Variants in ABLIM3 observed in about 807,000 individuals in gnomAD.
The protein encoded by ABLIM3 is actin-binding LIM protein 3.
In ABLIM3, 61 loss-of-function variants were observed where a neutral mutation model predicts 109.5. That is an observed-to-expected ratio of 0.56 (90% CI 0.45 to 0.69). The LOEUF (loss-of-function observed/expected upper bound fraction) is 0.69. Among genes scored for constraint, ABLIM3 ranks in the 30% least tolerant of loss-of-function variants. ABLIM3 has a pLI of 0.00. For missense variants in ABLIM3, 796 were observed against 889.5 expected (o/e 0.89, Z 1.34); for synonymous variants, 300 against 324.8 (o/e 0.92, Z 0.82).
At chr5:149,240,008 TG>T in intron 13 of ABLIM3, 120 bp downstream of exon 13, 4 of 1,375,830 alleles carry the variant, frequency 2.9e-6, no homozygotes, top group Non-Finnish European at 3.8e-6. Flanking sequence ...TGTGGCCCTC[TG>T]GAGGCCTATG....
At chr5:149,246,620 CA>C in intron 17 of ABLIM3, 74 bp downstream of exon 17, 8 of 1,479,942 alleles carry the variant, frequency 5.4e-6, no homozygotes, top group East Asian at 2.4e-5. Flanking sequence ...TTACAAGCAA[CA>C]AAAAACAGAT....
intron 2 of ABLIM3, among the ~76,000 whole-genome samples, chr5:149,174,202 G>A (rs1051927954): frequency 6.6e-6 from 1 of 151,584 alleles, no homozygotes; most frequent in African/African-American, 2.4e-5. Context: ...TTCCATGCGT[G>A]GTTTGCAACA....
intron 8 of ABLIM3, among the ~76,000 whole-genome samples, chr5:149,227,900 A>T (rs1228988145): frequency 6.6e-6 from 1 of 152,268 alleles, no homozygotes; most frequent in Non-Finnish European, 1.5e-5. Flanking sequence ...GTTCCTGCAG[A>T]TATATCTGTA....
chr5:149,199,601 G>T lies in ABLIM3; in HGVS notation c.336-715G>T, dbSNP rs76828127. ...GCCACGATAAGAACATAGCTCCCCCGACTCTCACCCTGGTGCTCCCTCCAT... is the reference window on the plus strand; with the variant it reads ...GCCACGATAAGAACATAGCTCCCCCTACTCTCACCCTGGTGCTCCCTCCAT... On this transcript the variant is annotated intron_variant, in intron 4 of 23. Transcript: ENST00000309868. 1.4e-4 allele frequency among the ~76,000 whole-genome samples: 21 copies of T among 152,288 alleles called. No individual in the cohort carries two copies. The East Asian group carries it at 4.1e-3, about 29-fold the overall frequency.
chr5:149,231,376 T>C (rs1761842361), intron 9 of ABLIM3, among the ~76,000 whole-genome samples: 2 of 152,204 alleles, frequency 1.3e-5, no homozygotes, highest in South Asian at 4.1e-4. Flanking sequence ...AGGATCCGGC[T>C]TCTGGGTCTT....
At chr5:149,241,286 T>C (rs1752816086) in intron 14 of ABLIM3, among the ~76,000 whole-genome samples, 2 of 152,206 alleles carry the variant, frequency 1.3e-5, no homozygotes, top group African/African-American at 4.8e-5. Context: ...GGTATTTACG[T>C]ACTAATGTAG....
intron 2 of ABLIM3, among the ~76,000 whole-genome samples, chr5:149,165,119 C>G (rs920457303): frequency 7.2e-5 from 11 of 152,182 alleles, no homozygotes; most frequent in Non-Finnish European, 1.0e-4. Flanking sequence ...TCAAAGCATC[C>G]TTGAATCTCA....
Position 149,227,129 on chromosome 5 carries a change from G to A in ABLIM3, c.758-3520G>A, listed in dbSNP as rs540381393. ...TTTAACATCAGGGTGTAGCAGAGAG[G>A]TGGGTGGCTTCCCCAACATTAAATC... On this transcript the variant is annotated intron_variant, in intron 8 of 23. Coordinates refer to ENST00000309868, the MANE Select transcript of ABLIM3 (RefSeq NM_014945.5). Among the ~76,000 whole-genome samples, 327 of 151,576 alleles carry A rather than the reference G, an allele frequency of 2.2e-3. 2 individuals are homozygous for A. Among genetic ancestry groups the A allele is most frequent in the Non-Finnish European group, 2.8e-3 (191 of 67,924 alleles).
intron 2 of ABLIM3, among the ~76,000 whole-genome samples, chr5:149,163,452 C>T (rs2127450097): frequency 6.6e-6 from 1 of 152,228 alleles, no homozygotes; most frequent in South Asian, 2.1e-4. Context: ...GTGGCTTAAA[C>T]AATAGGAATT....
At chr5:149,249,947 TC>T in intron 19 of ABLIM3, 103 bp downstream of exon 19, 1 of 1,382,452 alleles carries the variant, frequency 7.2e-7, no homozygotes, top group Non-Finnish European at 1.0e-6. Context: ...AATGTGGATG[TC>T]CCAGCCCACT....
chr5:149,171,607 T>A (rs1422979215), intron 2 of ABLIM3, among the ~76,000 whole-genome samples: 4 of 152,168 alleles, frequency 2.6e-5, no homozygotes, highest in Admixed American at 6.5e-5. Flanking sequence ...TGGTAAAACA[T>A]GGAAATTGGC....
At position 149,251,386 on chromosome 5, in the gene ABLIM3, G is replaced by A. The variant is rs770290671; in HGVS notation, c.1816G>A (p.Asp606Asn). 10 of 1,614,060 alleles carry A rather than the reference G, an allele frequency of 6.2e-6. No individual in the cohort carries two copies. The highest frequency in any genetic ancestry group is 2.2e-5 in the East Asian group (1 of 44,864). ...RTPSADLFHYDSMNAVNWGMR... is the reference protein window; with the variant it reads ...RTPSADLFHYNSMNAVNWGMR... ...ACCCAGCGCAGACCTCTTCCACTACGACAGCATGAACGCAGTCAACTGGGG... is the reference window on the plus strand; with the variant it reads ...ACCCAGCGCAGACCTCTTCCACTACAACAGCATGAACGCAGTCAACTGGGG... Residue 606 changes from aspartate to asparagine, a missense_variant, in exon 21 of 24, where the codon GAC becomes AAC. Asp to Asn is a conservative substitution (Grantham distance 23). Transcript: ENST00000309868.
intron 7 of ABLIM3, among the ~76,000 whole-genome samples, chr5:149,211,090 A>G (rs1456069391): frequency 2.0e-5 from 3 of 152,222 alleles, no homozygotes; most frequent in Non-Finnish European, 4.4e-5. Context: ...ACAGATTTCT[A>G]AAGAGTGACA....
chr5:149,232,176 C>T (rs142362901), intron 9 of ABLIM3, among the ~76,000 whole-genome samples: 154 of 152,188 alleles, frequency 1.0e-3, no homozygotes, highest in African/African-American at 3.6e-3. Context: ...TGTGGTGGCA[C>T]GTGCCTGTAA....
rs977577577 is a variant in ABLIM3, at chr5:149,200,248, C to G, written c.336-68C>G. 26 of 1,373,736 alleles carry G rather than the reference C, an allele frequency of 1.9e-5. No individual in the cohort carries two copies. In the South Asian group the frequency reaches 2.8e-4, roughly 15 times the overall value. 85.1% of individuals were successfully genotyped at this position (1,373,736 alleles called of 1,614,324 possible). On this transcript the variant is annotated intron_variant, in intron 4 of 23. Transcript: ENST00000309868. ...ATGTGTTACCAAAGTGCTTTGAGCA[C>G]ATGTGTGGTCAGCTACAGAATCCCT...
At chr5:149,214,774 A>G (rs1373699562) in intron 7 of ABLIM3, among the ~76,000 whole-genome samples, 3 of 152,084 alleles carry the variant, frequency 2.0e-5, no homozygotes, top group Non-Finnish European at 2.9e-5. Flanking sequence ...ACAGAGCTCA[A>G]TGGCTGTCAG....
At chr5:149,210,207 C>A (rs1326051807) in intron 6 of ABLIM3, among the ~76,000 whole-genome samples, 6 of 152,146 alleles carry the variant, frequency 3.9e-5, no homozygotes, top group Non-Finnish European at 8.8e-5. Context: ...ACACTGGACC[C>A]ATCTCCTTTA....
intron 18 of ABLIM3, among the ~76,000 whole-genome samples, chr5:149,248,558 G>C (rs1242556966): frequency 1.3e-5 from 2 of 151,928 alleles, no homozygotes; most frequent in Non-Finnish European, 2.9e-5. Flanking sequence ...GGGCATGGTG[G>C]TGGGCACCTG....
At chr5:149,173,855 A>G (rs1755670757) in intron 2 of ABLIM3, among the ~76,000 whole-genome samples, 1 of 152,016 alleles carries the variant, frequency 6.6e-6, no homozygotes, top group Admixed American at 6.5e-5. Flanking sequence ...CCCCGTCTCT[A>G]ATAAAAATAC....
Sources: allele counts gnomAD v4.1 joint callset (sites outside exome capture counted in the v4.1 genomes callset), GRCh38; gene constraint gnomAD v4.1.1; transcripts MANE v1.5; gene names NCBI Gene and HGNC (gene_info 2026-07-23, HGNC 2026-07-21).